Variants in ACTL8 observed in about 807,000 individuals in gnomAD.
The protein encoded by ACTL8 is actin like 8, also known as actin-like protein 8.
A neutral mutation model predicts 9.3 loss-of-function variants in ACTL8; 3 were observed. That is an observed-to-expected ratio of 0.32 (90% confidence interval 0.15 to 0.83). The LOEUF (loss-of-function observed/expected upper bound fraction) is 0.83, where lower values mean the gene tolerates loss of function less well. Among genes scored for constraint, ACTL8 ranks in the 40% least tolerant of loss-of-function variants. The pLI is 0.57. For missense variants in ACTL8, 381 were observed against 492.2 expected (o/e 0.77, Z 2.14); for synonymous variants, 224 against 205.9 (o/e 1.09, Z -0.75).
In ACTL8 at chr1:17,823,817, A is replaced by G. The variant is rs1237246955; in HGVS notation, c.348+461A>G. On this transcript the variant is annotated intron_variant, in intron 2 of 2. Transcript: ENST00000375406. The surrounding 1 kb of genome is among the most constrained non-coding windows in gnomAD (Gnocchi z 5.3). ...GAACCTAGTGAATGCCTGGTGTGCC[A>G]CTAAGCAGGGGAGCTCACGGAGGCC... Among the ~76,000 whole-genome samples, 1 of 152,208 alleles carries G rather than the reference A, an allele frequency of 6.6e-6. No homozygotes were observed. Among genetic ancestry groups the G allele is most frequent in the African/African-American group, 2.4e-5 (1 of 41,456 alleles).
At chr1:17,825,015 A>G (rs918232327) in intron 2 of ACTL8, among the ~76,000 whole-genome samples, 1 of 146,110 alleles carries the variant, frequency 6.8e-6, no homozygotes, top group Non-Finnish European at 1.5e-5. Flanking sequence ...GTTGACTGTT[A>G]GGATCTTTCT....
intron 1 of ACTL8, among the ~76,000 whole-genome samples, chr1:17,773,412 G>A (rs1234964100): frequency 2.0e-5 from 3 of 152,250 alleles, no homozygotes; most frequent in Admixed American, 6.5e-5. Flanking sequence ...AACAATTAGC[G>A]AGAATGCAGG....
At chr1:17,825,064 C>A (rs2053702413) in intron 2 of ACTL8, among the ~76,000 whole-genome samples, 1 of 118,214 alleles carries the variant, frequency 8.5e-6, no homozygotes, top group Admixed American at 1.2e-4. Context: ...GCTGCCAGAG[C>A]TGAGGAATGG....
At chr1:17,795,976 T>A (rs762144402) in intron 1 of ACTL8, among the ~76,000 whole-genome samples, 1 of 152,320 alleles carries the variant, frequency 6.6e-6, no homozygotes, top group Non-Finnish European at 1.5e-5. Context: ...CTGCCAGGGC[T>A]GAACCCTCAG....
intron 1 of ACTL8, among the ~76,000 whole-genome samples, chr1:17,820,364 TA>T (rs1410501877): frequency 1.3e-5 from 2 of 152,184 alleles, no homozygotes; most frequent in African/African-American, 4.8e-5. Flanking sequence ...TATTACCAGG[TA>T]GTATTCCACT....
chr1:17,822,044 C>T (rs900271439), intron 1 of ACTL8, among the ~76,000 whole-genome samples: 2 of 152,176 alleles, frequency 1.3e-5, no homozygotes, highest in South Asian at 2.1e-4. Flanking sequence ...CTGTTCTCCC[C>T]ACTTTACAGA....
intron 1 of ACTL8, among the ~76,000 whole-genome samples, chr1:17,762,942 G>T (rs1485136501): frequency 6.6e-6 from 1 of 152,156 alleles, no homozygotes; most frequent in Non-Finnish European, 1.5e-5. Flanking sequence ...ATGAGTGTGT[G>T]TGAGAGAGGG....
At chr1:17,784,078 T>C (rs1040885701) in intron 1 of ACTL8, among the ~76,000 whole-genome samples, 1 of 152,152 alleles carries the variant, frequency 6.6e-6, no homozygotes, top group African/African-American at 2.4e-5. Flanking sequence ...TGAGACTGGG[T>C]AATTTATGAA....
Position 17,814,050 on chromosome 1 carries a change from T to C in ACTL8, c.-24-8935T>C, listed in dbSNP as rs534692563. Among the ~76,000 whole-genome samples the C allele has an allele frequency of 1.3e-3, 199 of 152,362 alleles. 1 individual carries two copies. The highest frequency in any genetic ancestry group is 4.7e-3 in the African/African-American group (195 of 41,594). ...AGAACTAGCTTTTAGCTTTTGGCTT[T>C]ATTGACTTTTCACTATTTGTTTTCC... On this transcript the variant is annotated intron_variant, in intron 1 of 2. Transcript: ENST00000375406.
intron 1 of ACTL8, among the ~76,000 whole-genome samples, chr1:17,813,348 T>G (rs2066405908): frequency 6.6e-6 from 1 of 152,242 alleles, no homozygotes; most frequent in African/African-American, 2.4e-5. Flanking sequence ...GATAAATGCA[T>G]GTTGAATTCT....
At chr1:17,816,630 C>T (rs1046122090) in intron 1 of ACTL8, among the ~76,000 whole-genome samples, 16 of 152,192 alleles carry the variant, frequency 1.1e-4, no homozygotes, top group African/African-American at 3.1e-4. Flanking sequence ...CCCTGTTGCA[C>T]GCAGCCTGCA....
chr1:17,812,649 A>T (rs2066401274), intron 1 of ACTL8, among the ~76,000 whole-genome samples: 1 of 146,652 alleles, frequency 6.8e-6, no homozygotes, highest in African/African-American at 2.6e-5. Flanking sequence ...TGTGTTGCCC[A>T]GGCTGGTCAT....
At chr1:17,766,790 A>G (rs1569994186) in intron 1 of ACTL8, among the ~76,000 whole-genome samples, 1 of 152,002 alleles carries the variant, frequency 6.6e-6, no homozygotes, top group Admixed American at 6.5e-5. Flanking sequence ...TAAATCATCT[A>G]GAAAGCCATA....
intron 1 of ACTL8, among the ~76,000 whole-genome samples, chr1:17,800,994 CTCT>C (rs1168340880): frequency 2.0e-5 from 3 of 152,172 alleles, no homozygotes; most frequent in Non-Finnish European, 4.4e-5. Flanking sequence ...CAAGGAAATT[CTCT>C]TCAATTCCTT....
chr1:17,791,235 T>C (rs1457254390), intron 1 of ACTL8, among the ~76,000 whole-genome samples: 1 of 152,020 alleles, frequency 6.6e-6, no homozygotes, highest in African/African-American at 2.4e-5. Context: ...TGTCCCCAGC[T>C]CCCGCCAGCT....
chr1:17,826,260 A>G lies in ACTL8; in HGVS notation c.842A>G (p.Glu281Gly). The change falls in exon 3 of 3, where the codon GAG (glutamate) becomes GGG (glycine). Residue 281 changes from glutamate to glycine, a missense_variant. Physicochemically the swap from Glu to Gly is moderately conservative, Grantham distance 98 (BLOSUM62 -2). Around this residue, in one of 3 missense-constraint regions of ACTL8, gnomAD observed 243 missense variants for 276.2 expected, o/e 0.88. Transcript: ENST00000375406. This position sits in a 1 kb window ranked among gnomAD's most constrained non-coding sequence, Gnocchi z 4.5. ...SIPRAIVESV[E>G]SCEISLRPLL... ...CCACGGGCCATTGTGGAATCCGTGGAGTCCTGCGAGATCTCCCTGCGCCCC... is the reference window on the plus strand; with the variant it reads ...CCACGGGCCATTGTGGAATCCGTGGGGTCCTGCGAGATCTCCCTGCGCCCC... The G allele has an allele frequency of 6.2e-7, 1 of 1,612,428 alleles. No individual in the cohort carries two copies.
Position 17,826,656 on chromosome 1 carries a change from A to T in ACTL8, c.*137A>T. 1.2e-6 allele frequency: 1 copy of T among 866,458 alleles called. No individual in the cohort carries two copies. The highest frequency in any genetic ancestry group is 1.7e-6 in the Non-Finnish European group (1 of 600,250). The allele number at this position is 866,458 out of a possible 1,614,324, so 53.7% of individuals were successfully genotyped here. On this transcript the variant is annotated 3_prime_UTR_variant, in exon 3 of 3. Coordinates refer to ENST00000375406, the MANE Select transcript of ACTL8 (RefSeq NM_030812.3). This position sits in a 1 kb window ranked among gnomAD's most constrained non-coding sequence, Gnocchi z 4.5. ...TTTGGAATTCTAGGGGCATGAGGGTATTTTTTAGGTTCTAAGGTTTTATCT... is the reference window on the plus strand; with the variant it reads ...TTTGGAATTCTAGGGGCATGAGGGTTTTTTTTAGGTTCTAAGGTTTTATCT...
intron 1 of ACTL8, among the ~76,000 whole-genome samples, chr1:17,756,384 A>T (rs2065969369): frequency 6.8e-6 from 1 of 146,710 alleles, no homozygotes. Flanking sequence ...GGTTTGGGGG[A>T]TTCTTAGCGG....
At chr1:17,772,913 A>G (rs1268983607) in intron 1 of ACTL8, among the ~76,000 whole-genome samples, 2 of 78,702 alleles carry the variant, frequency 2.5e-5, no homozygotes, top group African/African-American at 6.7e-5. Context: ...AGAGGAAAGG[A>G]AAAAAAAAAG....
Sources: allele counts gnomAD v4.1 joint callset (sites outside exome capture counted in the v4.1 genomes callset), GRCh38; gene constraint gnomAD v4.1.1; regional missense constraint gnomAD v4.1.1; non-coding constraint Gnocchi (gnomAD v3.1); transcripts MANE v1.5; gene names NCBI Gene and HGNC (gene_info 2026-07-23, HGNC 2026-07-21).